PLEKHA7: variants seen among roughly 807,000 people sequenced by gnomAD.
PLEKHA7 encodes pleckstrin homology domain containing A7.
PLEKHA7 carries 104 observed loss-of-function variants against 170.0 expected under a neutral mutation model. That is an observed-to-expected ratio of 0.61 (90% CI 0.52 to 0.72). PLEKHA7 has a LOEUF of 0.72. PLEKHA7 is among the 30% of genes least tolerant of loss of function. The probability of loss-of-function intolerance (pLI) is 0.00; values close to 1 mark genes in which losing one functional copy is unlikely to be tolerated. For synonymous variants in PLEKHA7, 648 were observed against 660.8 expected (o/e 0.98, Z 0.30); for missense variants, 1,615 against 1,671.7 (o/e 0.97, Z 0.59).
intron 3 of PLEKHA7, among the ~76,000 whole-genome samples, chr11:16,995,368 AAATGAAGGGACCCCTG>A (rs2136989802): frequency 6.6e-6 from 1 of 152,154 alleles, no homozygotes; most frequent in East Asian, 1.9e-4. Flanking sequence ...AATGTCTGCT[AAATGAAGGGACCCCTG>A]AACAATGAGT....
At chr11:16,907,350 C>T (rs1857869662) in intron 3 of PLEKHA7, among the ~76,000 whole-genome samples, 1 of 139,562 alleles carries the variant, frequency 7.2e-6, no homozygotes. Flanking sequence ...AGAGGAGCCC[C>T]TCTGCCCGGC....
chr11:16,964,335 A>G (rs1016573229), intron 3 of PLEKHA7, among the ~76,000 whole-genome samples: 3 of 152,234 alleles, frequency 2.0e-5, no homozygotes, highest in African/African-American at 7.2e-5. Flanking sequence ...ATATACCTAG[A>G]CATGAAATGG....
chr11:17,011,129 C>T (rs1407457854), intron 3 of PLEKHA7, among the ~76,000 whole-genome samples: 1 of 152,192 alleles, frequency 6.6e-6, no homozygotes, highest in Non-Finnish European at 1.5e-5. Context: ...AGGCTGTGCT[C>T]CAGCCTCCAG....
chr11:16,817,288 G>C lies in PLEKHA7; in HGVS notation c.1378C>G (p.Pro460Ala), dbSNP rs1460972108. 6.2e-7 allele frequency: 1 copy of C among 1,612,536 alleles called. No homozygotes were observed. The highest frequency in any genetic ancestry group is 2.2e-5 in the East Asian group (1 of 44,888). ...PLDQTLPRQG[P>A]GQSLSFPENY... ...TCTGGGAAGGACAGGGATTGGCCAG[G>C]ACCCTGGCGAGGAAGCGTCTGGTCC... Residue 460 changes from proline (P) to alanine (A), a missense_variant, in exon 11 of 27, where the codon CCT becomes GCT. Physicochemically the swap from Pro to Ala is conservative, Grantham distance 27. Transcript: ENST00000531066. The surrounding 1 kb of genome is among the most constrained non-coding windows in gnomAD (Gnocchi z 4.4).
rs1272556752 is a variant in PLEKHA7, at chr11:16,891,351, T to C, written c.222-20169A>G. Among the ~76,000 whole-genome samples, 36 of 152,264 alleles carry C rather than the reference T, an allele frequency of 2.4e-4. No homozygotes were observed. The East Asian group carries it at 6.0e-3, about 25-fold the overall frequency. ...GCCATATGAAGACAGAGGCGGAGAT[T>C]GGAGTGATGCCTCTATAGGCCAGGA... is the stretch of plus-strand genomic sequence containing the variant. On this transcript the variant is annotated intron_variant, in intron 3 of 26. Coordinates refer to ENST00000531066, the MANE Select transcript of PLEKHA7 (RefSeq NM_001329630.2).
chr11:16,816,373 T>C (rs1312353245), intron 11 of PLEKHA7, 109 bp from the exon 12 acceptor site: 1 of 754,922 alleles, frequency 1.3e-6, no homozygotes, highest in Non-Finnish European at 2.3e-6. Flanking sequence ...TTCTCATCTA[T>C]GAAATGAGCA....
At chr11:16,836,135 T>C (rs958767252) in intron 9 of PLEKHA7, among the ~76,000 whole-genome samples, 1 of 152,236 alleles carries the variant, frequency 6.6e-6, no homozygotes, top group African/African-American at 2.4e-5. Context: ...ACTCTGGCTC[T>C]TTCCTACTGG....
At chr11:16,818,243 C>A (rs1216640410) in intron 10 of PLEKHA7, among the ~76,000 whole-genome samples, 1 of 152,228 alleles carries the variant, frequency 6.6e-6, no homozygotes, top group African/African-American at 2.4e-5. Flanking sequence ...TCTGACCTTC[C>A]GTTTCCTTAC....
Position 16,804,792 on chromosome 11 carries a change from A to G in PLEKHA7, c.2008-1497T>C, listed in dbSNP as rs140968473. 7.5e-3 allele frequency among the ~76,000 whole-genome samples: 1,144 copies of G among 152,322 alleles called. 17 individuals carry two copies. Among genetic ancestry groups the G allele is most frequent in the African/African-American group, 0.026 (1,080 of 41,560 alleles). ...ACTCCAGCCAAATTCTGCTCTTCAG[A>G]CTGTCAGATTATGTGTACATACACG... On this transcript the variant is annotated intron_variant, in intron 13 of 26. Coordinates refer to ENST00000531066, the MANE Select transcript of PLEKHA7 (RefSeq NM_001329630.2).
intron 13 of PLEKHA7, among the ~76,000 whole-genome samples, chr11:16,805,391 G>C (rs1009433433): frequency 2.0e-5 from 3 of 152,124 alleles, no homozygotes; most frequent in African/African-American, 7.2e-5. Flanking sequence ...GCCCTTTGCT[G>C]CCTTCATGGA....
At chr11:16,839,625 G>A (rs924958970) in intron 9 of PLEKHA7, among the ~76,000 whole-genome samples, 1 of 151,884 alleles carries the variant, frequency 6.6e-6, no homozygotes, top group Non-Finnish European at 1.5e-5. Context: ...TTATTTTCTT[G>A]TCATTATTGC....
chr11:16,791,015 G>C lies in PLEKHA7; in HGVS notation c.2930C>G (p.Ser977Cys). ...RELGQCVNGD[S>C]RVELRSYVSE... ...GCCCCAGGGTCCCCCGCTCACCCTG[G>C]AATCCCCATTCACACACTGCCCCAG... Residue 977 changes from serine to cysteine, a missense_variant, in exon 20 of 27, where the codon TCC becomes TGC. Ser to Cys is a moderately radical substitution (Grantham distance 112). Transcript: ENST00000531066. The surrounding 1 kb of genome is among the most constrained non-coding windows in gnomAD (Gnocchi z 4.5). 6.2e-7 allele frequency: 1 copy of C among 1,614,060 alleles called. No homozygotes were observed. The highest frequency in any genetic ancestry group is 8.5e-7 in the Non-Finnish European group (1 of 1,180,036).
At chr11:16,965,297 T>C (rs1862304563) in intron 3 of PLEKHA7, among the ~76,000 whole-genome samples, 1 of 151,328 alleles carries the variant, frequency 6.6e-6, no homozygotes, top group Non-Finnish European at 1.5e-5. Flanking sequence ...CGCTCTAGCC[T>C]GGATGACAGC....
At chr11:16,825,277 A>T (rs1018083969) in intron 10 of PLEKHA7, among the ~76,000 whole-genome samples, 35 of 152,240 alleles carry the variant, frequency 2.3e-4, no homozygotes. Context: ...CCTGGCCAAC[A>T]GGGAGAATGA....
At position 16,855,839 on chromosome 11, in the gene PLEKHA7, C is replaced by G. The variant is rs777647345; in HGVS notation, c.381G>C (p.Gly127=). ...GCTTGGCCTCCAGGGTGGAGGCGGT[C>G]CCAGCCGTGGATGTTTCACTGACCA... ...SSMVSETSTA[G]TASTLEAKPG... Residue 127 remains glycine (G), a synonymous_variant, in exon 5 of 27, where the codon GGG becomes GGC. Coordinates refer to ENST00000531066, the MANE Select transcript of PLEKHA7 (RefSeq NM_001329630.2). 1 of 1,614,092 alleles carries G rather than the reference C, an allele frequency of 6.2e-7. No homozygotes were observed. The highest frequency in any genetic ancestry group is 8.5e-7 in the Non-Finnish European group (1 of 1,179,988).
At chr11:16,919,858 G>C (rs1858959768) in intron 3 of PLEKHA7, among the ~76,000 whole-genome samples, 1 of 152,104 alleles carries the variant, frequency 6.6e-6, no homozygotes, top group Admixed American at 6.6e-5. Context: ...ATGAGAGAGG[G>C]AATGACAAAG....
rs1303667781 is a variant in PLEKHA7, at chr11:16,802,929, T to C, written c.2157+43A>G. The stretch of plus-strand genomic sequence containing the variant: ...ATGTCTCAAGAAAGACAGGACAAAA[T>C]GTCCCTCTGCCCATTCCAAGATTAT... On this transcript the variant is annotated intron_variant, in intron 15 of 26. Transcript: ENST00000531066. The C allele has an allele frequency of 2.7e-6, 4 of 1,474,156 alleles. No individual in the cohort carries two copies. The South Asian group carries it at 4.6e-5, about 17-fold the overall frequency. 91.3% of individuals were successfully genotyped at this position (1,474,156 alleles called of 1,614,324 possible). A position where few individuals can be genotyped will look rare whatever the true frequency, so the allele number is the denominator to read the frequency against.
At chr11:16,797,718 T>A (rs1359057984) in intron 17 of PLEKHA7, among the ~76,000 whole-genome samples, 1 of 152,172 alleles carries the variant, frequency 6.6e-6, no homozygotes, top group Non-Finnish European at 1.5e-5. Flanking sequence ...GGCATGTGTA[T>A]GTAAGAGGAT....
rs1847718685 is a variant in PLEKHA7 at position 16,789,914 on chromosome 11, C to T, written c.3053-36G>A. On this transcript the variant is annotated intron_variant, in intron 21 of 26. Coordinates refer to ENST00000531066, the MANE Select transcript of PLEKHA7 (RefSeq NM_001329630.2). The surrounding 1 kb of genome is among the most constrained non-coding windows in gnomAD (Gnocchi z 4.6). ...AAAGAGAAGTGCAAGCATGTTTGTG[C>T]TGGGGTGGATGGGTCCCTGCTTCTC... 1.3e-6 allele frequency: 2 copies of T among 1,579,422 alleles called. No homozygotes were observed.
Sources: allele counts gnomAD v4.1 joint callset (sites outside exome capture counted in the v4.1 genomes callset), GRCh38; gene constraint gnomAD v4.1.1; non-coding constraint Gnocchi (gnomAD v3.1); transcripts MANE v1.5; gene names NCBI Gene and HGNC (gene_info 2026-07-23, HGNC 2026-07-21).